The following CPD variants were observed in gnomAD, a reference collection of about 807,000 sequenced individuals.
CPD encodes the protein metallocarboxypeptidase D.
Under a neutral mutation model 138.3 loss-of-function variants are expected in CPD, and 69 were observed. That is an observed-to-expected ratio of 0.50 (90% CI 0.41 to 0.61). The LOEUF (loss-of-function observed/expected upper bound fraction) is 0.61. CPD is among the 20% of genes least tolerant of loss of function. The pLI is 0.00. For missense variants in CPD, 1,432 were observed against 1,733.3 expected (o/e 0.83, Z 3.09); for synonymous variants, 651 against 642.1 (o/e 1.01, Z -0.21).
intron 4 of CPD, among the ~76,000 whole-genome samples, chr17:30,422,335 A>G (rs950572705): frequency 6.6e-5 from 10 of 152,342 alleles, no homozygotes; most frequent in African/African-American, 2.2e-4. Context: ...ACTGCAAAGA[A>G]TTGTGTAATT....
At chr17:30,396,205 A>G (rs983130453) in intron 2 of CPD, among the ~76,000 whole-genome samples, 13 of 152,182 alleles carry the variant, frequency 8.5e-5, no homozygotes, top group Non-Finnish European at 1.6e-4. Context: ...TAATAAAGTA[A>G]TATCATTAAG....
rs917736389 is a variant in CPD at position 30,464,839 on chromosome 17, G to A, written c.*25G>A. 3.2e-6 allele frequency: 5 copies of A among 1,583,804 alleles called. No individual in the cohort carries two copies. The highest frequency in any genetic ancestry group is 4.3e-6 in the Non-Finnish European group (5 of 1,154,254). Reference sequence around the variant, plus strand: ...AAAAACACATTTTGCATATCTCCCAGCATAAGTACCAAGCAAAATTACAGT... The same window carrying A: ...AAAAACACATTTTGCATATCTCCCAACATAAGTACCAAGCAAAATTACAGT... On this transcript the variant is annotated 3_prime_UTR_variant, in exon 21 of 21. Coordinates refer to ENST00000225719, the MANE Select transcript of CPD (RefSeq NM_001304.5).
chr17:30,442,587 T>G, intron 10 of CPD, 137 bp downstream of exon 10: 1 of 789,390 alleles, frequency 1.3e-6, no homozygotes, highest in Non-Finnish European at 2.0e-6. Flanking sequence ...AACCAGTTTG[T>G]ATATTCCAAG....
chr17:30,461,385 C>A (rs1296975595), intron 18 of CPD, 74 bp downstream of exon 18: 2 of 1,182,032 alleles, frequency 1.7e-6, no homozygotes, highest in African/African-American at 3.2e-5. Flanking sequence ...AAAACATTGT[C>A]TTTTACCAAA....
chr17:30,445,517 A>C (rs572075483), intron 11 of CPD, among the ~76,000 whole-genome samples, 174 bp from the exon 12 acceptor site: 2 of 152,174 alleles, frequency 1.3e-5, no homozygotes, highest in African/African-American at 4.8e-5. Context: ...ACCCATGTCT[A>C]TTCTTTATTA....
chr17:30,461,586 G>A (rs1913475446), intron 18 of CPD, among the ~76,000 whole-genome samples: 1 of 152,096 alleles, frequency 6.6e-6, no homozygotes, highest in South Asian at 2.1e-4. Flanking sequence ...TGGTGGGAAG[G>A]AAATCACTCA....
chr17:30,423,397 A>G (rs979497182), intron 5 of CPD, 109 bp from the exon 6 acceptor site: 71 of 743,188 alleles, frequency 9.6e-5, no homozygotes, highest in Non-Finnish European at 1.3e-4. Flanking sequence ...GCCAAAATAC[A>G]TGTTTAAAAA....
intron 2 of CPD, among the ~76,000 whole-genome samples, chr17:30,401,194 T>TTGC (rs541279857): frequency 9.2e-5 from 14 of 151,838 alleles, no homozygotes; most frequent in Middle Eastern, 3.4e-3. Flanking sequence ...GACTATTTTA[T>TTGC]TGCTGCTGCT....
intron 20 of CPD, 115 bp from the exon 21 acceptor site, chr17:30,464,473 A>G: frequency 1.3e-6 from 1 of 771,450 alleles, no homozygotes; most frequent in Non-Finnish European, 2.1e-6. Context: ...TCTTAAGTGC[A>G]TGAAATAGAA....
intron 14 of CPD, 101 bp downstream of exon 14, chr17:30,451,947 C>T (rs536360757): frequency 1.8e-6 from 2 of 1,124,988 alleles, no homozygotes; most frequent in East Asian, 5.3e-5. Flanking sequence ...GGAGTACTTT[C>T]TTGTCTGGGT....
At chr17:30,382,280 G>A (rs1159167651) in intron 1 of CPD, among the ~76,000 whole-genome samples, 1 of 151,956 alleles carries the variant, frequency 6.6e-6, no homozygotes, top group African/African-American at 2.4e-5. Flanking sequence ...GCGTAATAGA[G>A]TTAATTTAGA....
chr17:30,461,255 C>T lies in CPD; in HGVS notation c.3574C>T (p.Arg1192Ter), dbSNP rs779589733. The T allele has an allele frequency of 9.3e-6, 15 of 1,612,144 alleles. No homozygotes were observed. The highest frequency in any genetic ancestry group is 1.3e-5 in the African/African-American group (1 of 74,984). Reference protein sequence around the residue: ...TSCCYFPSAARLPSLWADNKR... With the variant: ...TSCCYFPSAA Reference sequence around the variant, plus strand: ...CTGCTGTTACTTTCCTAGTGCTGCACGACTCCCTTCCTTGTGGGCAGACAA... The same window carrying T: ...CTGCTGTTACTTTCCTAGTGCTGCATGACTCCCTTCCTTGTGGGCAGACAA... Residue 1192 changes from arginine to a stop codon, truncating the protein, a stop_gained, in exon 18 of 21, where the codon CGA (arginine) becomes TGA (stop). Coordinates refer to ENST00000225719, the MANE Select transcript of CPD (RefSeq NM_001304.5). LOFTEE classifies it high-confidence loss of function.
At chr17:30,412,110 G>A (rs1461660514) in intron 2 of CPD, among the ~76,000 whole-genome samples, 1 of 152,160 alleles carries the variant, frequency 6.6e-6, no homozygotes, top group Non-Finnish European at 1.5e-5. Context: ...CCTTCTAACA[G>A]GCCCCTCAGC....
At chr17:30,427,849 T>G (rs142528309) in intron 7 of CPD, among the ~76,000 whole-genome samples, 4 of 151,296 alleles carry the variant, frequency 2.6e-5, no homozygotes, top group African/African-American at 9.7e-5. Flanking sequence ...TCTCTTTCCC[T>G]TCTCTTACCT....
At chr17:30,411,280 T>C (rs570724065) in intron 2 of CPD, among the ~76,000 whole-genome samples, 2 of 152,364 alleles carry the variant, frequency 1.3e-5, no homozygotes, top group Non-Finnish European at 2.9e-5. Context: ...TCTCTCTGGC[T>C]GCCTTTAACA....
chr17:30,394,945 A>G (rs1339448187), intron 2 of CPD, among the ~76,000 whole-genome samples: 1 of 150,954 alleles, frequency 6.6e-6, no homozygotes, highest in African/African-American at 2.4e-5. Context: ...GTGAAAGAGG[A>G]GTGAAAACTG....
chr17:30,442,470 G>A lies in CPD; in HGVS notation c.2373+20G>A. The A allele has an allele frequency of 1.2e-6, 2 of 1,604,332 alleles. No individual in the cohort carries two copies. The highest frequency in any genetic ancestry group is 1.7e-6 in the Non-Finnish European group (2 of 1,172,644). ...AAACAGGTGACTATTCAGGAGTGAA[G>A]TATGAAATTTCTCCCGAGGGTGAAA... On this transcript the variant is annotated intron_variant, in intron 10 of 20. Coordinates refer to ENST00000225719, the MANE Select transcript of CPD (RefSeq NM_001304.5).
intron 8 of CPD, among the ~76,000 whole-genome samples, chr17:30,435,853 C>T (rs1279916686): frequency 6.6e-6 from 1 of 152,074 alleles, no homozygotes; most frequent in Non-Finnish European, 1.5e-5. Context: ...TTGTTTCTCC[C>T]TAGTTTCTGG....
At position 30,465,395 on chromosome 17, in the gene CPD, C is replaced by T. The variant is rs1913609169; in HGVS notation, c.*581C>T. 6.5e-6 allele frequency: 1 copy of T among 153,428 alleles called. No homozygotes were observed. Among genetic ancestry groups the T allele is most frequent in the African/African-American group, 2.4e-5 (1 of 41,450 alleles). The allele number at this position is 153,428 out of a possible 1,614,324, so 9.5% of individuals were successfully genotyped here. A position where few individuals can be genotyped will look rare whatever the true frequency, so the allele number is the denominator to read the frequency against. ...ATGGGCTTCTGCATTTGGCTTTCTA[C>T]CTGTTCCAAGGCTAGATCGGAACTG... is the stretch of plus-strand genomic sequence containing the variant. On this transcript the variant is annotated 3_prime_UTR_variant, in exon 21 of 21. Transcript: ENST00000225719.
Sources: gnomAD v4.1 joint callset for allele counts (sites outside exome capture counted in the v4.1 genomes callset) on GRCh38, gnomAD v4.1.1 for gene constraint, MANE v1.5 for transcripts, NCBI Gene and HGNC (gene_info 2026-07-23, HGNC 2026-07-21) for gene names.